KCNK2: variants seen among roughly 807,000 people sequenced by gnomAD.
KCNK2 encodes potassium channel subfamily K member 2.
Under a neutral mutation model 40.5 loss-of-function variants are expected in KCNK2, and 21 were observed. The ratio of observed to expected loss-of-function variants is 0.52; its 90% CI spans 0.37 to 0.75. The LOEUF is 0.75. KCNK2 is among the 30% of genes least tolerant of loss of function. The pLI is 0.00. For missense variants in KCNK2, 399 were observed against 531.6 expected (o/e 0.75, Z 2.45); for synonymous variants, 191 against 202.2 (o/e 0.94, Z 0.47).
At chr1:215,142,600 T>G (rs1662232248) in intron 3 of KCNK2, among the ~76,000 whole-genome samples, 2 of 152,114 alleles carry the variant, frequency 1.3e-5, no homozygotes, top group South Asian at 4.1e-4. Context: ...GTGTTTCTAA[T>G]TTGTGGACAG....
chr1:215,230,092 T>TATACACAC lies in KCNK2; in HGVS notation c.964-4735_964-4734insTACACACA, dbSNP rs1198375667. On this transcript the variant is annotated intron_variant, in intron 6 of 6. Coordinates refer to ENST00000444842, the MANE Select transcript of KCNK2 (RefSeq NM_001017425.3). ...AGATATATATATCTGTGTGTGTGTA[T>TATACACAC]ACACACACACACACACACACACACA... 7.2e-4 allele frequency among the ~76,000 whole-genome samples: 101 copies of TATACACAC among 141,256 alleles called. 1 individual carries two copies. The highest frequency in any genetic ancestry group is 1.6e-3 in the South Asian group (7 of 4,408). The allele number at this position is 141,256 out of a possible 152,430, so 92.7% of individuals were successfully genotyped here.
chr1:215,143,310 GTCA>G (rs1268465271), intron 3 of KCNK2, among the ~76,000 whole-genome samples: 6 of 152,058 alleles, frequency 3.9e-5, no homozygotes, highest in Non-Finnish European at 5.9e-5. Context: ...GGACTTTGAG[GTCA>G]CACAGATTTG....
intron 1 of KCNK2, among the ~76,000 whole-genome samples, chr1:215,051,563 A>G (rs1337009589): frequency 1.3e-5 from 2 of 152,222 alleles, no homozygotes; most frequent in Non-Finnish European, 2.9e-5. Context: ...ATTACTGTCT[A>G]TAAAGTAATT....
At chr1:215,196,908 G>A (rs570720448) in intron 6 of KCNK2, among the ~76,000 whole-genome samples, 19 of 152,222 alleles carry the variant, frequency 1.2e-4, no homozygotes, top group Middle Eastern at 3.4e-3. Flanking sequence ...ACACAAGCAT[G>A]TATTTCTTAA....
intron 6 of KCNK2, among the ~76,000 whole-genome samples, chr1:215,234,094 G>T (rs189233572): frequency 4.4e-4 from 67 of 152,304 alleles, no homozygotes; most frequent in Non-Finnish European, 8.1e-4. Flanking sequence ...GCAGCCCACA[G>T]GTTGAGTAAC....
chr1:215,046,363 T>C (rs1235391294), intron 1 of KCNK2, among the ~76,000 whole-genome samples: 1 of 152,184 alleles, frequency 6.6e-6, no homozygotes, highest in Non-Finnish European at 1.5e-5. Context: ...TTCAATGCTA[T>C]ATCAGTTTAA....
chr1:215,136,556 C>T (rs984833347), intron 3 of KCNK2, among the ~76,000 whole-genome samples: 1 of 152,126 alleles, frequency 6.6e-6, no homozygotes, highest in Non-Finnish European at 1.5e-5. Context: ...ATTCCCATAT[C>T]ATGATGGCCT....
intron 1 of KCNK2, among the ~76,000 whole-genome samples, chr1:215,036,215 T>C (rs989005263): frequency 1.8e-4 from 27 of 151,922 alleles, no homozygotes; most frequent in African/African-American, 6.0e-4. Flanking sequence ...TTTTTGAGTG[T>C]GTATGGTGAG....
At chr1:215,006,418 A>T (rs989534628) in intron 1 of KCNK2, among the ~76,000 whole-genome samples, 2 of 152,182 alleles carry the variant, frequency 1.3e-5, no homozygotes, top group African/African-American at 4.8e-5. Context: ...TATATTGGGA[A>T]AAAGGTGGCT....
At chr1:215,213,793 G>A (rs982074217) in intron 6 of KCNK2, among the ~76,000 whole-genome samples, 2 of 152,030 alleles carry the variant, frequency 1.3e-5, no homozygotes, top group African/African-American at 2.4e-5. Context: ...GCCCCACCTT[G>A]CCAAATCAAC....
At chr1:215,182,718 A>G (rs1186441757) in intron 5 of KCNK2, among the ~76,000 whole-genome samples, 1 of 151,994 alleles carries the variant, frequency 6.6e-6, no homozygotes, top group Non-Finnish European at 1.5e-5. Context: ...CACGACTAAA[A>G]TCCTGTGCGG....
rs1659225985 is a variant in KCNK2 at position 215,082,877 on chromosome 1, C to G, written c.-509C>G. Among the ~76,000 whole-genome samples, 1 of 151,764 alleles carries G rather than the reference C, an allele frequency of 6.6e-6. No individual in the cohort carries two copies. Among genetic ancestry groups the G allele is most frequent in the Admixed American group, 6.6e-5 (1 of 15,252 alleles). On this transcript the variant is annotated 5_prime_UTR_variant, in exon 1 of 7. Coordinates refer to ENST00000444842, the MANE Select transcript of KCNK2 (RefSeq NM_001017425.3). ...GCGGGGGGAGACACACAAAGACATG[C>G]GAAGAGGGGCTGAACGAGGCTCGCG...
intron 6 of KCNK2, among the ~76,000 whole-genome samples, chr1:215,230,040 G>T (rs1558149860): frequency 2.9e-5 from 4 of 139,594 alleles, no homozygotes; most frequent in Non-Finnish European, 6.1e-5. Flanking sequence ...TACATATATA[G>T]ATATATATAC....
intron 4 of KCNK2, 79 bp from the exon 5 acceptor site, chr1:215,171,918 T>G (rs1663726636): frequency 2.5e-6 from 2 of 785,126 alleles, no homozygotes; most frequent in Non-Finnish European, 3.6e-6. Flanking sequence ...CTCTCTCTCT[T>G]TGTCTCTCTC....
chr1:215,232,910 A>G (rs1194360753), intron 6 of KCNK2, among the ~76,000 whole-genome samples: 1 of 152,180 alleles, frequency 6.6e-6, no homozygotes, highest in African/African-American at 2.4e-5. Flanking sequence ...AAAAATAGAA[A>G]AATAATATAA....
At chr1:215,156,012 T>A (rs1662902996) in intron 3 of KCNK2, among the ~76,000 whole-genome samples, 1 of 152,068 alleles carries the variant, frequency 6.6e-6, no homozygotes, top group African/African-American at 2.4e-5. Context: ...GTTATCATTA[T>A]GAAAAATTAT....
At chr1:215,043,246 T>G (rs1227139166) in intron 1 of KCNK2, among the ~76,000 whole-genome samples, 2 of 152,164 alleles carry the variant, frequency 1.3e-5, no homozygotes, top group Non-Finnish European at 2.9e-5. Flanking sequence ...CGGTAGTTCC[T>G]CAAAAAACTA....
intron 1 of KCNK2, among the ~76,000 whole-genome samples, chr1:215,035,107 G>T (rs972149936): frequency 6.6e-6 from 1 of 151,962 alleles, no homozygotes; most frequent in African/African-American, 2.4e-5. Flanking sequence ...GTTAGTGTTT[G>T]TATACACATA....
At chr1:215,086,970 C>T (rs1659471839) in intron 2 of KCNK2, among the ~76,000 whole-genome samples, 2 of 152,340 alleles carry the variant, frequency 1.3e-5, no homozygotes, top group South Asian at 2.1e-4. Context: ...CTGTTGTCTT[C>T]CTGCTTTCTT....
Sources: gnomAD v4.1 joint callset for allele counts (sites outside exome capture counted in the v4.1 genomes callset) on GRCh38, gnomAD v4.1.1 for gene constraint, MANE v1.5 for transcripts, NCBI Gene and HGNC (gene_info 2026-07-23, HGNC 2026-07-21) for gene names.